CLIP4: variants seen among roughly 807,000 people sequenced by gnomAD.
The protein encoded by CLIP4 is CAP-Gly domain containing linker protein family member 4.
In CLIP4, 47 loss-of-function variants were observed where a neutral mutation model predicts 73.1. That is an observed-to-expected ratio of 0.64 (90% CI 0.51 to 0.82). The LOEUF is 0.82. Among genes scored for constraint, CLIP4 ranks in the 40% least tolerant of loss-of-function variants. The pLI is 0.00. For synonymous variants in CLIP4, 306 were observed against 295.4 expected (o/e 1.04, Z -0.37); for missense variants, 874 against 852.9 (o/e 1.02, Z -0.31).
chr2:29,151,841 C>G (rs558101155), intron 8 of CLIP4, among the ~76,000 whole-genome samples: 6 of 152,170 alleles, frequency 3.9e-5, no homozygotes, highest in African/African-American at 1.4e-4. Flanking sequence ...TATTCACTAT[C>G]TCTAATGTCG....
intron 5 of CLIP4, among the ~76,000 whole-genome samples, chr2:29,134,784 G>T (rs1665231268): frequency 6.6e-6 from 1 of 152,154 alleles, no homozygotes. Flanking sequence ...TATAACATAT[G>T]ATGCTATGTT....
chr2:29,159,772 C>A (rs1667170165), intron 11 of CLIP4, among the ~76,000 whole-genome samples: 1 of 148,850 alleles, frequency 6.7e-6, no homozygotes, highest in Non-Finnish European at 1.5e-5. Context: ...TACTATAATT[C>A]TAGTATTTTA....
chr2:29,100,643 A>T (rs1054834246), intron 1 of CLIP4, among the ~76,000 whole-genome samples: 1 of 151,840 alleles, frequency 6.6e-6, no homozygotes. Context: ...ATTTGGTTTT[A>T]AGGTGTGTCC....
intron 2 of CLIP4, among the ~76,000 whole-genome samples, 193 bp from the exon 3 acceptor site, chr2:29,131,065 T>C (rs372586171): frequency 2.6e-5 from 4 of 152,320 alleles, no homozygotes; most frequent in African/African-American, 7.2e-5. Context: ...GGTAAGGTGT[T>C]GGTGAGGATT....
intron 1 of CLIP4, among the ~76,000 whole-genome samples, chr2:29,119,525 C>T (rs1334746094): frequency 6.6e-6 from 1 of 152,072 alleles, no homozygotes; most frequent in African/African-American, 2.4e-5. Flanking sequence ...GTCTGAGTCC[C>T]AAACCGTGAT....
At chr2:29,131,908 A>AGT (rs780882852) in intron 3 of CLIP4, 4 of 449,236 alleles carry the variant, frequency 8.9e-6, no homozygotes, top group Non-Finnish European at 1.6e-5. Flanking sequence ...ACATATTTGG[A>AGT]GTGCCAGATT....
intron 15 of CLIP4, among the ~76,000 whole-genome samples, chr2:29,181,125 T>G (rs1668620344): frequency 6.6e-6 from 1 of 152,190 alleles, no homozygotes; most frequent in Non-Finnish European, 1.5e-5. Context: ...AACAGCTGAT[T>G]AATACATATT....
rs1285171104 is a variant in CLIP4 at position 29,133,745 on chromosome 2, C to CT, written c.461dup (p.Leu154PhefsTer8). On this transcript the variant is annotated frameshift_variant, in exon 5 of 16. Coordinates refer to ENST00000320081, the MANE Select transcript of CLIP4 (RefSeq NM_024692.6). LOFTEE classifies it high-confidence loss of function. ...CGGAGTCGCTGGACAAACATGAATG[C>CT]TTTGCATTATGCTGCTTATTTTGAT... The CT allele has an allele frequency of 8.7e-6, 14 of 1,613,678 alleles. No homozygotes were observed. The highest frequency in any genetic ancestry group is 1.2e-5 in the Non-Finnish European group (14 of 1,179,858).
At chr2:29,172,024 T>TC (rs1420838157) in intron 14 of CLIP4, among the ~76,000 whole-genome samples, 3 of 141,344 alleles carry the variant, frequency 2.1e-5, no homozygotes, top group East Asian at 2.0e-4. Context: ...TTTTTTTTTT[T>TC]CATTCTGTTT....
At position 29,183,216 on chromosome 2, in the gene CLIP4, C is replaced by T. The variant is rs1343362362; in HGVS notation, c.*1323C>T. ...AGACTTTACCACAGAAATATTGGAA[C>T]AGTTTGCTTTATAAGATTAAAAAGC... On this transcript the variant is annotated 3_prime_UTR_variant, in exon 16 of 16. Coordinates refer to ENST00000320081, the MANE Select transcript of CLIP4 (RefSeq NM_024692.6). 1 of 152,596 alleles carries T rather than the reference C, an allele frequency of 6.6e-6. No homozygotes were observed. The highest frequency in any genetic ancestry group is 2.4e-5 in the African/African-American group (1 of 41,448). The allele number at this position is 152,596 out of a possible 1,614,324, so 9.5% of individuals were successfully genotyped here. A position where few individuals can be genotyped will look rare whatever the true frequency, so the allele number is the denominator to read the frequency against.
Position 29,143,787 on chromosome 2 carries a change from A to G in CLIP4, c.727A>G (p.Thr243Ala). Residue 243 changes from threonine (T) to alanine (A), a missense_variant, in exon 7 of 16, where the codon ACT becomes GCT. By Grantham distance (58) the Thr-to-Ala change is moderately conservative. Coordinates refer to ENST00000320081, the MANE Select transcript of CLIP4 (RefSeq NM_024692.6). ...GTTAGAGATGGCTGACGCCGCAGCC[A>G]CTGCTAAGGAAATCAAGCAGATGCT... ...MPLEMADAAA[T>A]AKEIKQMLLD... 1.2e-6 allele frequency: 2 copies of G among 1,614,124 alleles called. No individual in the cohort carries two copies. Among genetic ancestry groups the G allele is most frequent in the African/African-American group, 2.7e-5 (2 of 75,052 alleles).
rs563242442 is a variant in CLIP4, at chr2:29,144,002, T to A, written c.885+57T>A. ...GGGTTGTTATGTCCATGACCTATGT[T>A]CAAGGACACAGTATGGTCAGAGTTT... On this transcript the variant is annotated intron_variant, in intron 7 of 15. Coordinates refer to ENST00000320081, the MANE Select transcript of CLIP4 (RefSeq NM_024692.6). 3 of 1,401,584 alleles carry A rather than the reference T, an allele frequency of 2.1e-6. No homozygotes were observed. In the East Asian group the frequency reaches 7.3e-5, roughly 34 times the overall value. The allele number at this position is 1,401,584 out of a possible 1,614,324, so 86.8% of individuals were successfully genotyped here. A position where few individuals can be genotyped will look rare whatever the true frequency, so the allele number is the denominator to read the frequency against.
chr2:29,121,461 T>C lies in CLIP4; in HGVS notation c.73T>C (p.Ser25Pro). ...PLFGRYPFIF[S>P]ASDTPVIFSI... ...GTTTGGAAGATACCCATTTATATTT[T>C]CTGCTTCTGATACCCCAGTTATCTT... The change falls in exon 2 of 16, where the codon TCT becomes CCT. Residue 25 changes from serine (S) to proline (P), a missense_variant. Coordinates refer to ENST00000320081, the MANE Select transcript of CLIP4 (RefSeq NM_024692.6). 5 of 1,613,902 alleles carry C rather than the reference T, an allele frequency of 3.1e-6. No homozygotes were observed. The highest frequency in any genetic ancestry group is 4.2e-6 in the Non-Finnish European group (5 of 1,179,872).
intron 2 of CLIP4, 137 bp downstream of exon 2, chr2:29,121,658 A>C: frequency 1.0e-6 from 1 of 953,250 alleles, no homozygotes; most frequent in Non-Finnish European, 1.6e-6. Flanking sequence ...TTTTTCAAAA[A>C]TACAATTGCT....
chr2:29,177,983 A>C (rs1388574141), intron 15 of CLIP4, among the ~76,000 whole-genome samples: 1 of 152,104 alleles, frequency 6.6e-6, no homozygotes, highest in African/African-American at 2.4e-5. Context: ...CAACCCATTA[A>C]TTTTTGGTTT....
intron 15 of CLIP4, among the ~76,000 whole-genome samples, chr2:29,179,086 C>T (rs1476110439): frequency 7.9e-5 from 12 of 152,208 alleles, no homozygotes; most frequent in South Asian, 2.1e-4. Flanking sequence ...TGAGCCACTG[C>T]GCCCAGCCTC....
intron 6 of CLIP4, 132 bp from the exon 7 acceptor site, chr2:29,143,577 G>A (rs527270178): frequency 1.5e-6 from 1 of 668,622 alleles, no homozygotes; most frequent in East Asian, 2.5e-5. Flanking sequence ...CATATTGTAG[G>A]CGTTCAGGAA....
intron 12 of CLIP4, among the ~76,000 whole-genome samples, chr2:29,160,970 A>G (rs947846478): frequency 3.3e-5 from 5 of 151,872 alleles, no homozygotes; most frequent in African/African-American, 1.2e-4. Flanking sequence ...AAAAGTAAAG[A>G]TTACTTTCTA....
At position 29,131,402 on chromosome 2, in the gene CLIP4, G is replaced by C. The variant is rs756220997; in HGVS notation, c.273+5G>C. ...ATTGACATTATTGGAAATGAGGTAA[G>C]GAATTCTTACATTTTAAGTTTTGCA... On this transcript the variant is annotated splice_donor_5th_base_variant and intron_variant, in intron 3 of 15. Coordinates refer to ENST00000320081, the MANE Select transcript of CLIP4 (RefSeq NM_024692.6). The C allele has an allele frequency of 6.3e-7, 1 of 1,585,972 alleles. No homozygotes were observed. The highest frequency in any genetic ancestry group is 1.4e-5 in the African/African-American group (1 of 73,250).
Sources: gnomAD v4.1 joint callset for allele counts (sites outside exome capture counted in the v4.1 genomes callset) on GRCh38, gnomAD v4.1.1 for gene constraint, MANE v1.5 for transcripts, NCBI Gene and HGNC (gene_info 2026-07-23, HGNC 2026-07-21) for gene names.